The following DNAAF9 variants were observed in gnomAD, a reference collection of about 807,000 sequenced individuals.
The protein encoded by DNAAF9 is dynein axonemal assembly factor 9.
Under a neutral mutation model 167.0 loss-of-function variants are expected in DNAAF9, and 90 were observed. The observed-to-expected ratio is 0.54, with a 90% confidence interval of 0.45 to 0.64. The LOEUF is 0.64. Ranked by LOEUF, DNAAF9 falls within the 30% of genes least tolerant of loss-of-function variation. The pLI is 0.00. For missense variants in DNAAF9, 1,315 were observed against 1,442.2 expected, an observed-to-expected ratio of 0.91 and a Z score of 1.43; for synonymous variants, 491 against 508.8, an observed-to-expected ratio of 0.96 and a Z score of 0.47.
chr20:3,254,372 C>A (rs1457581307), intron 35 of DNAAF9, among the ~76,000 whole-genome samples: 1 of 152,198 alleles, frequency 6.6e-6, no homozygotes, highest in Non-Finnish European at 1.5e-5. Context: ...AGCCACCATG[C>A]CCGGCCACAA....
rs2068180971 is a variant in DNAAF9 at position 3,250,609 on chromosome 20, AACAAAGACC to A, written c.*1954_*1962del. 1 of 152,186 alleles carries A rather than the reference AACAAAGACC, an allele frequency of 6.6e-6. No homozygotes were observed. The highest frequency in any genetic ancestry group is 2.4e-5 in the African/African-American group (1 of 41,426). 9.4% of individuals were successfully genotyped at this position (152,186 alleles called of 1,614,324 possible). ...GTGAGAGAGCATTTCTGTGAAGAGA[AACAAAGACC>A]ACCACGTAGTACAGCCCCACATGGT... On this transcript the variant is annotated 3_prime_UTR_variant, in exon 37 of 37. Transcript: ENST00000252032.
At chr20:3,295,855 G>A (rs74667279) in intron 23 of DNAAF9, 30,032 of 986,898 alleles carry the variant, frequency 0.03, 652 homozygotes, top group African/African-American at 0.095. Context: ...ATCCCCAAAC[G>A]ACATCCTTTA....
At chr20:3,354,878 C>A (rs2083263273) in intron 7 of DNAAF9, among the ~76,000 whole-genome samples, 1 of 152,210 alleles carries the variant, frequency 6.6e-6, no homozygotes, top group African/African-American at 2.4e-5. Flanking sequence ...AGTCAGAAAA[C>A]TAGGAAAGAG....
At chr20:3,289,554 C>G (rs537327157) in intron 26 of DNAAF9, among the ~76,000 whole-genome samples, 5 of 152,232 alleles carry the variant, frequency 3.3e-5, no homozygotes, top group Non-Finnish European at 5.9e-5. Context: ...GGGTCTCACT[C>G]TGTTGCCCAG....
At chr20:3,324,474 C>T (rs1017368639) in intron 14 of DNAAF9, among the ~76,000 whole-genome samples, 2 of 151,988 alleles carry the variant, frequency 1.3e-5, no homozygotes, top group Non-Finnish European at 2.9e-5. Context: ...AGGACACGGC[C>T]AGGCTCAGGG....
At chr20:3,338,204 C>T (rs1370419472) in intron 10 of DNAAF9, among the ~76,000 whole-genome samples, 1 of 151,700 alleles carries the variant, frequency 6.6e-6, no homozygotes, top group African/African-American at 2.4e-5. Context: ...CTTTTGTTTC[C>T]TCCTTTTTCT....
rs186940977 is a variant in DNAAF9 at position 3,253,558 on chromosome 20, C to T, written c.3421+168G>A. 2.5e-3 allele frequency among the ~76,000 whole-genome samples: 380 copies of T among 152,270 alleles called. 1 individual carries two copies. Among genetic ancestry groups the T allele is most frequent in the African/African-American group, 8.3e-3 (346 of 41,560 alleles). On this transcript the variant is annotated intron_variant, in intron 36 of 36. Transcript: ENST00000252032. ...GCTTTAGAGACTGAAATGAAAAGTT[C>T]GCCCCTGAGGTTTGCCCCTGTGCAT... is the stretch of plus-strand genomic sequence containing the variant.
chr20:3,271,289 A>G (rs1231340222), intron 29 of DNAAF9, among the ~76,000 whole-genome samples: 3 of 152,164 alleles, frequency 2.0e-5, no homozygotes, highest in African/African-American at 7.2e-5. Context: ...TTATATCCTC[A>G]AAGAGTGCAC....
intron 1 of DNAAF9, among the ~76,000 whole-genome samples, chr20:3,385,484 C>T (rs1467714171): frequency 6.6e-6 from 1 of 151,992 alleles, no homozygotes; most frequent in Non-Finnish European, 1.5e-5. Context: ...GTGGTGTGAT[C>T]ATAGCTCACT....
intron 29 of DNAAF9, among the ~76,000 whole-genome samples, chr20:3,272,889 C>G (rs1212527045): frequency 6.6e-6 from 1 of 152,106 alleles, no homozygotes; most frequent in Non-Finnish European, 1.5e-5. Context: ...ATGGTGCAAT[C>G]TCAGCTCACC....
intron 6 of DNAAF9, among the ~76,000 whole-genome samples, chr20:3,369,672 C>T (rs6051806): frequency 0.19 from 28,908 of 152,102 alleles, 2,970 homozygotes; most frequent in African/African-American, 0.23. Context: ...CCACCAAGCC[C>T]GGCCTAAAGT....
intron 1 of DNAAF9, among the ~76,000 whole-genome samples, chr20:3,403,637 T>A (rs1283374955): frequency 6.6e-6 from 1 of 151,378 alleles, no homozygotes; most frequent in Non-Finnish European, 1.5e-5. Context: ...CATCAGCCCA[T>A]CAATTTACAA....
intron 1 of DNAAF9, among the ~76,000 whole-genome samples, chr20:3,383,973 A>G (rs1389191463): frequency 1.3e-5 from 2 of 151,380 alleles, no homozygotes; most frequent in African/African-American, 2.4e-5. Context: ...TAATTTTTGT[A>G]CTTTTTAGTA....
intron 30 of DNAAF9, among the ~76,000 whole-genome samples, chr20:3,265,134 T>G (rs888229052): frequency 1.3e-5 from 2 of 152,162 alleles, no homozygotes; most frequent in African/African-American, 2.4e-5. Context: ...CCAGCCCAGA[T>G]GTACTGAACC....
At chr20:3,280,641 A>G (rs1907005228) in intron 28 of DNAAF9, among the ~76,000 whole-genome samples, 1 of 151,570 alleles carries the variant, frequency 6.6e-6, no homozygotes. Context: ...TTTTTGAGAT[A>G]GCGTCTCACT....
intron 17 of DNAAF9, among the ~76,000 whole-genome samples, chr20:3,317,744 C>A (rs2069530647): frequency 6.6e-6 from 1 of 151,978 alleles, no homozygotes; most frequent in Admixed American, 6.6e-5. Flanking sequence ...TTACAGGCAC[C>A]CACCACCATG....
chr20:3,316,710 G>C lies in DNAAF9; in HGVS notation c.1539+13C>G, dbSNP rs2069506075. 2 of 1,602,668 alleles carry C rather than the reference G, an allele frequency of 1.2e-6. No homozygotes were observed. The highest frequency in any genetic ancestry group is 1.7e-6 in the Non-Finnish European group (2 of 1,169,916). On this transcript the variant is annotated intron_variant, in intron 18 of 36. Transcript: ENST00000252032. ...ACACGTAGGTCCACTTCCACCTGAT[G>C]AATGACACTAACCAGCCAGGAGCAG...
intron 7 of DNAAF9, among the ~76,000 whole-genome samples, chr20:3,353,111 A>ATC (rs1024619579): frequency 6.7e-6 from 1 of 148,946 alleles, no homozygotes; most frequent in African/African-American, 2.5e-5. Flanking sequence ...ATATACAGAT[A>ATC]TATATAACAT....
intron 13 of DNAAF9, among the ~76,000 whole-genome samples, chr20:3,325,708 C>T (rs184077651): frequency 2.0e-5 from 3 of 152,238 alleles, no homozygotes; most frequent in African/African-American, 2.4e-5. Context: ...GCAGGTTAAC[C>T]GCAAAACAGC....
Sources: gnomAD v4.1 joint callset for allele counts (sites outside exome capture counted in the v4.1 genomes callset) on GRCh38, gnomAD v4.1.1 for gene constraint, MANE v1.5 for transcripts, NCBI Gene and HGNC (gene_info 2026-07-23, HGNC 2026-07-21) for gene names.